The following TEX14 variants were observed in gnomAD, a reference collection of about 807,000 sequenced individuals.
The protein encoded by TEX14 is testis expressed 14, intercellular bridge forming factor.
Under a neutral mutation model 178.6 loss-of-function variants are expected in TEX14, and 168 were observed. That is an observed-to-expected ratio of 0.94 (90% CI 0.83 to 1.07). TEX14 has a LOEUF of 1.07. Among genes scored for constraint, TEX14 ranks in the 50% least tolerant of loss-of-function variants. The probability of loss-of-function intolerance (pLI) is 0.00; values close to 1 mark genes in which losing one functional copy is unlikely to be tolerated. For missense variants in TEX14, 1,730 were observed against 1,753.6 expected (o/e 0.99, Z 0.24); for synonymous variants, 626 against 634.1 (o/e 0.99, Z 0.19).
At chr17:58,680,384 T>C (rs1330981780) in intron 1 of TEX14, among the ~76,000 whole-genome samples, 1 of 152,174 alleles carries the variant, frequency 6.6e-6, no homozygotes, top group Non-Finnish European at 1.5e-5. Context: ...ATGCTGTCTT[T>C]CAAACATGCA....
At position 58,602,709 on chromosome 17, in the gene TEX14, T is replaced by C. The variant is rs545399778; in HGVS notation, c.1337-119A>G. 31 of 709,676 alleles carry C rather than the reference T, an allele frequency of 4.4e-5. No individual in the cohort carries two copies. The East Asian group carries it at 7.6e-4, about 17-fold the overall frequency. 44.0% of individuals were successfully genotyped at this position (709,676 alleles called of 1,614,324 possible). On this transcript the variant is annotated intron_variant, in intron 11 of 31. Transcript: ENST00000349033. Reference sequence around the variant, plus strand: ...AAGTCACTTAACTTCTTTATTTTTTTTTCTAATCCACTGTACTTTAGAAAC... The same window carrying C: ...AAGTCACTTAACTTCTTTATTTTTTCTTCTAATCCACTGTACTTTAGAAAC...
intron 1 of TEX14, among the ~76,000 whole-genome samples, chr17:58,675,041 G>A (rs1205533771): frequency 6.6e-6 from 1 of 151,792 alleles, no homozygotes; most frequent in Non-Finnish European, 1.5e-5. Flanking sequence ...AGCTTCTTGG[G>A]AGGCTGAGGC....
chr17:58,565,136 C>A (rs1204184586), intron 27 of TEX14, among the ~76,000 whole-genome samples, 168 bp from the exon 28 acceptor site: 1 of 152,162 alleles, frequency 6.6e-6, no homozygotes. Flanking sequence ...GTCTGCAGGC[C>A]ACCTGCATTT....
intron 1 of TEX14, among the ~76,000 whole-genome samples, chr17:58,689,671 A>G (rs1046062583): frequency 5.9e-5 from 9 of 152,162 alleles, no homozygotes; most frequent in Non-Finnish European, 1.2e-4. Flanking sequence ...TTTTTTGAGA[A>G]AAGTGATTAC....
At chr17:58,610,724 A>G (rs1459303780) in intron 10 of TEX14, among the ~76,000 whole-genome samples, 4 of 152,056 alleles carry the variant, frequency 2.6e-5, no homozygotes, top group Non-Finnish European at 5.9e-5. Flanking sequence ...CATCTCTACT[A>G]AAAACACAAA....
chr17:58,587,843 A>ACCCCCCCCCC, intron 16 of TEX14, 53 bp downstream of exon 16: 2 of 1,118,856 alleles, frequency 1.8e-6, no homozygotes, highest in Non-Finnish European at 2.7e-6. Context: ...GGGTGCCAGA[A>ACCCCCCCCCC]CCCACCCCCA....
chr17:58,689,832 G>C (rs909316008), intron 1 of TEX14, among the ~76,000 whole-genome samples: 1 of 151,590 alleles, frequency 6.6e-6, no homozygotes, highest in Non-Finnish European at 1.5e-5. Flanking sequence ...AATTATTATA[G>C]GCAAGGGCCA....
chr17:58,557,880 C>T (rs1368981164), intron 30 of TEX14, 30 bp from the exon 31 acceptor site: 1 of 1,580,052 alleles, frequency 6.3e-7, no homozygotes, highest in African/African-American at 1.3e-5. Context: ...AAGGAAAAAA[C>T]AACATGATTA....
chr17:58,578,499 T>C (rs1373665817), intron 20 of TEX14, among the ~76,000 whole-genome samples: 11 of 152,050 alleles, frequency 7.2e-5, no homozygotes, highest in Admixed American at 7.2e-4. Flanking sequence ...GAAGGGGATA[T>C]ATATCAGAAC....
chr17:58,581,770 A>C (rs2044827715), intron 19 of TEX14: 1 of 1,598,812 alleles, frequency 6.3e-7, no homozygotes, highest in Non-Finnish European at 8.5e-7. Context: ...GTTGCTGTTC[A>C]TTGTAACGAA....
intron 1 of TEX14, among the ~76,000 whole-genome samples, chr17:58,665,288 G>A (rs1029622419): frequency 3.3e-5 from 5 of 151,122 alleles, no homozygotes; most frequent in Non-Finnish European, 5.9e-5. Flanking sequence ...CATCAGGCCC[G>A]GCCCACATGA....
At chr17:58,630,087 G>A (rs1241174132) in intron 3 of TEX14, among the ~76,000 whole-genome samples, 2 of 148,372 alleles carry the variant, frequency 1.3e-5, no homozygotes, top group South Asian at 2.1e-4. Context: ...ACTGAGTCTC[G>A]CTCTTGTTGC....
At chr17:58,636,706 A>C (rs1487043884) in intron 2 of TEX14, among the ~76,000 whole-genome samples, 1 of 151,552 alleles carries the variant, frequency 6.6e-6, no homozygotes, top group Non-Finnish European at 1.5e-5. Context: ...CGAGGTCAGG[A>C]GTTCAAGACC....
chr17:58,690,714 A>G (rs961902716), intron 1 of TEX14, among the ~76,000 whole-genome samples: 4 of 152,184 alleles, frequency 2.6e-5, no homozygotes, highest in African/African-American at 4.8e-5. Context: ...GGCCAACCAC[A>G]TTTTGGCCAG....
chr17:58,622,960 G>C lies in TEX14; in HGVS notation c.304C>G (p.Gln102Glu). 2 of 1,611,314 alleles carry C rather than the reference G, an allele frequency of 1.2e-6. No homozygotes were observed. The highest frequency in any genetic ancestry group is 1.7e-6 in the Non-Finnish European group (2 of 1,177,584). ...TCCAGCAGTTTGCTAAGGATCCACT[G>C]ATTGCCCGAAAATGCTGCTGCATGG... is the stretch of plus-strand genomic sequence containing the variant. ...PVHAAAFSGN[Q>E]WILSKLLDAG... The change falls in exon 4 of 32, where the codon CAG (glutamine) becomes GAG (glutamate). Residue 102 changes from glutamine to glutamate, a missense_variant. By Grantham distance (29) the Gln-to-Glu change is conservative. Transcript: ENST00000349033.
At position 58,585,887 on chromosome 17, in the gene TEX14, C is replaced by A; in HGVS notation, c.2984G>T (p.Arg995Ile). 6.2e-7 allele frequency: 1 copy of A among 1,614,072 alleles called. No homozygotes were observed. Residue 995 changes from arginine to isoleucine, a missense_variant, in exon 18 of 32, where the codon AGA becomes ATA. By Grantham distance (97) the Arg-to-Ile change is moderately conservative. Coordinates refer to ENST00000349033, the MANE Select transcript of TEX14 (RefSeq NM_031272.5). ...CGTCTTGTCAAACTTGCCATTTCCTCTGGGCTCATCATTTTCCCTATGATA... is the reference window on the plus strand; with the variant it reads ...CGTCTTGTCAAACTTGCCATTTCCTATGGGCTCATCATTTTCCCTATGATA... The part of the protein sequence containing the change: ...IEYHRENDEP[R>I]GNGKFDKTGN...
intron 3 of TEX14, among the ~76,000 whole-genome samples, chr17:58,623,540 G>C (rs1402471811): frequency 6.6e-6 from 1 of 152,020 alleles, no homozygotes; most frequent in African/African-American, 2.4e-5. Context: ...CTACACCTCA[G>C]AAAAATTTCA....
intron 2 of TEX14, among the ~76,000 whole-genome samples, chr17:58,636,173 G>A (rs1055826015): frequency 7.2e-5 from 11 of 152,158 alleles, no homozygotes; most frequent in African/African-American, 2.2e-4. Context: ...CATGACCTTT[G>A]GAGACTTCCT....
At chr17:58,586,212 C>G in intron 17 of TEX14, 130 bp from the exon 18 acceptor site, 1 of 1,018,322 alleles carries the variant, frequency 9.8e-7, no homozygotes, top group Non-Finnish European at 1.4e-6. Context: ...GTTGCATCAT[C>G]CTTAGCTTGC....
Sources: gnomAD v4.1 joint callset for allele counts (sites outside exome capture counted in the v4.1 genomes callset) on GRCh38, gnomAD v4.1.1 for gene constraint, MANE v1.5 for transcripts, NCBI Gene and HGNC (gene_info 2026-07-23, HGNC 2026-07-21) for gene names.